ZC3H12B: variants seen among roughly 807,000 people sequenced by gnomAD.
The protein encoded by ZC3H12B is probable ribonuclease ZC3H12B.
A neutral mutation model predicts 43.9 loss-of-function variants in ZC3H12B; 7 were observed. The observed-to-expected ratio is 0.16, with a 90% CI of 0.09 to 0.30. The LOEUF is 0.30. Among genes scored for constraint, ZC3H12B ranks in the 10% least tolerant of loss-of-function variants. ZC3H12B has a pLI of 1.00. For synonymous variants in ZC3H12B, 222 were observed against 241.7 expected (o/e 0.92, Z 0.76); for missense variants, 475 against 670.2 (o/e 0.71, Z 3.22).
the ZC3H12B span, among the ~76,000 whole-genome samples, chrX:65,344,985 T>C: frequency 9.0e-6 from 1 of 111,696 alleles, no homozygotes; most frequent in East Asian, 2.8e-4. Context: ...AGAATGCAAA[T>C]CAAAACCACA....
At position 65,421,926 on chromosome X, in the gene ZC3H12B, C is replaced by T. The variant is rs780034361; in HGVS notation, n.407+23222C>T. On this transcript the variant is annotated intron_variant and non_coding_transcript_variant, in intron 3 of 5. Transcript: ENST00000617377. ...TCGTGCCACTGCACTCCAGCCTGGG[C>T]GACAGAGCGAGACTCCATCTCAAAA... Among the ~76,000 whole-genome samples, 30 of 98,567 alleles carry T rather than the reference C, an allele frequency of 3.0e-4. 1 individual carries two copies. The highest frequency in any genetic ancestry group is 5.6e-3 in the Middle Eastern group (1 of 177). The allele number at this position is 98,567 out of a possible 115,157, so 85.6% of individuals were successfully genotyped here. A position where few individuals can be genotyped will look rare whatever the true frequency, so the allele number is the denominator to read the frequency against.
chrX:65,294,864 A>C, the ZC3H12B span, among the ~76,000 whole-genome samples: 1 of 111,357 alleles, frequency 9.0e-6, no homozygotes, highest in Non-Finnish European at 1.9e-5. Context: ...TATAAGTACT[A>C]GACCTAAGAA....
intron 3 of ZC3H12B, among the ~76,000 whole-genome samples, chrX:65,458,550 G>A (rs1490707889): frequency 3.6e-5 from 4 of 111,993 alleles, no homozygotes; most frequent in Non-Finnish European, 7.5e-5. Context: ...TCAGGATTAA[G>A]AAACTCACTC....
At chrX:65,175,741 C>T in the ZC3H12B span, among the ~76,000 whole-genome samples, 1 of 111,911 alleles carries the variant, frequency 8.9e-6, no homozygotes, top group African/African-American at 3.2e-5. Context: ...GAGCCAAAAA[C>T]TCATGAAGCA....
the ZC3H12B span, among the ~76,000 whole-genome samples, chrX:65,060,893 C>T: frequency 9.0e-6 from 1 of 111,434 alleles, no homozygotes; most frequent in African/African-American, 3.3e-5. Flanking sequence ...CCATCAGGTC[C>T]CAGGAATTTC....
the ZC3H12B span, among the ~76,000 whole-genome samples, chrX:65,319,695 T>C: frequency 1.8e-5 from 2 of 110,816 alleles, no homozygotes; most frequent in African/African-American, 6.6e-5. Flanking sequence ...GTAAACCGAA[T>C]CTAGCAGCAC....
chrX:65,438,285 TTGCATTGAATCTGTACCTTACTTGA>T (rs1467481331), intron 3 of ZC3H12B, among the ~76,000 whole-genome samples: 2 of 112,045 alleles, frequency 1.8e-5, no homozygotes, highest in Non-Finnish European at 3.8e-5. Context: ...TTGATAGGGA[TTGCATTGAATCTGTACCTTACTTGA>T]TGTAGTATGG....
At chrX:65,363,805 T>G (rs778888951), upstream of ZC3H12B, among the ~76,000 whole-genome samples, 1 of 111,965 alleles carries the variant, frequency 8.9e-6, no homozygotes, top group South Asian at 3.7e-4. Context: ...AATCACAAAC[T>G]ATGCTCAACT....
the ZC3H12B span, among the ~76,000 whole-genome samples, chrX:65,219,239 G>C: frequency 3.6e-5 from 4 of 111,625 alleles, no homozygotes; most frequent in Non-Finnish European, 7.5e-5. Context: ...CAGAAAAACA[G>C]TTCTGGTAAT....
At chrX:65,350,960 A>T in the ZC3H12B span, among the ~76,000 whole-genome samples, 1 of 112,240 alleles carries the variant, frequency 8.9e-6, no homozygotes, top group East Asian at 2.8e-4. Context: ...ACAGAATTGG[A>T]AAAAAATACT....
chrX:65,321,664 G>T, the ZC3H12B span, among the ~76,000 whole-genome samples: 1 of 109,464 alleles, frequency 9.1e-6, no homozygotes, highest in South Asian at 4.0e-4. Flanking sequence ...GCTCATCAAT[G>T]GTAGACTGGA....
chrX:65,200,823 C>T, the ZC3H12B span, among the ~76,000 whole-genome samples: 12 of 110,838 alleles, frequency 1.1e-4, no homozygotes, highest in Non-Finnish European at 2.1e-4. Flanking sequence ...CAATTGCTTT[C>T]GGCATTACTG....
chrX:65,159,967 C>A, the ZC3H12B span, among the ~76,000 whole-genome samples: 82 of 111,835 alleles, frequency 7.3e-4, no homozygotes, highest in African/African-American at 2.5e-3. Context: ...GAAATTTTAG[C>A]ATGAAGGGCT....
chrX:65,439,027 A>G (rs1400653322), intron 3 of ZC3H12B, among the ~76,000 whole-genome samples: 1 of 112,516 alleles, frequency 8.9e-6, no homozygotes, highest in East Asian at 2.8e-4. Flanking sequence ...CGGGATCCAC[A>G]TCTGCAGACT....
chrX:65,214,060 T>G, the ZC3H12B span, among the ~76,000 whole-genome samples: 1 of 111,098 alleles, frequency 9.0e-6, no homozygotes, highest in Admixed American at 9.7e-5. Flanking sequence ...TGTACATATC[T>G]TATTTCAAAG....
chrX:65,312,305 C>CAAT, the ZC3H12B span, among the ~76,000 whole-genome samples: 3 of 111,295 alleles, frequency 2.7e-5, no homozygotes, highest in African/African-American at 9.8e-5. Context: ...AGGGAACAGA[C>CAAT]AATACCTCTG....
intron 3 of ZC3H12B, among the ~76,000 whole-genome samples, chrX:65,434,273 G>A (rs1398301311): frequency 1.3e-4 from 14 of 111,677 alleles, no homozygotes; most frequent in Admixed American, 1.2e-3. Context: ...TCATAGTATT[G>A]GTAAAATATA....
the ZC3H12B span, among the ~76,000 whole-genome samples, chrX:65,182,813 A>G: frequency 1.8e-5 from 2 of 112,287 alleles, no homozygotes; most frequent in African/African-American, 6.4e-5. Flanking sequence ...CAACAAGCAT[A>G]TGAAAAATTG....
chrX:65,459,699 G>A (rs2067703162), intron 3 of ZC3H12B, among the ~76,000 whole-genome samples: 1 of 111,392 alleles, frequency 9.0e-6, no homozygotes, highest in South Asian at 3.8e-4. Flanking sequence ...GTATTGATGG[G>A]ACTTATCTCA....
Sources: gnomAD v4.1 joint callset for allele counts (sites outside exome capture counted in the v4.1 genomes callset) on GRCh38, gnomAD v4.1.1 for gene constraint, MANE v1.5 for transcripts, NCBI Gene and HGNC (gene_info 2026-07-23, HGNC 2026-07-21) for gene names.